STAT5B: variants seen among roughly 807,000 people sequenced by gnomAD.
STAT5B encodes the protein signal transducer and activator of transcription 5B, also known as transcription factor STAT5B.
A neutral mutation model predicts 107.8 loss-of-function variants in STAT5B; 21 were observed. The ratio of observed to expected loss-of-function variants is 0.19; its 90% CI spans 0.14 to 0.28. The LOEUF is 0.28. STAT5B is among the 10% of genes least tolerant of loss of function. The pLI is 1.00. For synonymous variants in STAT5B, 325 were observed against 401.7 expected (o/e 0.81, Z 2.28); for missense variants, 565 against 1,008.2 (o/e 0.56, Z 5.95).
intron 5 of STAT5B, among the ~76,000 whole-genome samples, chr17:42,221,971 G>GGT (rs1208430068): frequency 1.9e-4 from 27 of 144,078 alleles, no homozygotes; most frequent in Admixed American, 1.9e-3. Flanking sequence ...TGCTATGTGT[G>GGT]GTGTGTGTGT....
At chr17:42,234,948 A>T (rs2080345680) in intron 1 of STAT5B, 1 of 152,238 alleles carries the variant, frequency 6.6e-6, no homozygotes, top group Non-Finnish European at 1.5e-5. Flanking sequence ...GAAGAGAAGA[A>T]TCTAGGTGTT....
intron 8 of STAT5B, 45 bp from the exon 9 acceptor site, chr17:42,218,375 G>A (rs1223998830): frequency 8.8e-6 from 14 of 1,599,194 alleles, no homozygotes; most frequent in Non-Finnish European, 1.2e-5. Context: ...GGCTGGTGCA[G>A]GGGAAAGGGC....
chr17:42,286,846 T>C, the STAT5B span, among the ~76,000 whole-genome samples: 1 of 152,188 alleles, frequency 6.6e-6, no homozygotes, highest in African/African-American at 2.4e-5. Flanking sequence ...TGCATGACGG[T>C]GGCAAAGTCA....
intron 2 of STAT5B, among the ~76,000 whole-genome samples, chr17:42,230,408 G>A (rs115536813): frequency 1.3e-5 from 2 of 152,272 alleles, no homozygotes; most frequent in African/African-American, 2.4e-5. Context: ...CTGACAGACT[G>A]TAACCAACCA....
intron 5 of STAT5B, 106 bp from the exon 6 acceptor site, chr17:42,219,948 T>C (rs1007981065): frequency 1.8e-5 from 28 of 1,562,146 alleles, no homozygotes; most frequent in Admixed American, 1.5e-4. Context: ...TGGGCTCAGA[T>C]ACTGCATTAA....
At chr17:42,267,487 AAG>A (rs1254746831) in intron 1 of STAT5B, among the ~76,000 whole-genome samples, 1 of 152,218 alleles carries the variant, frequency 6.6e-6, no homozygotes, top group African/African-American at 2.4e-5. Context: ...CTTCACTTTT[AAG>A]AAAAAGTTTT....
At chr17:42,205,189 G>A (rs576497109) in intron 16 of STAT5B, among the ~76,000 whole-genome samples, 3 of 151,730 alleles carry the variant, frequency 2.0e-5, no homozygotes, top group East Asian at 1.9e-4. Context: ...CACCATGCCC[G>A]GCTAATTTTT....
At position 42,218,806 on chromosome 17, in the gene STAT5B, C is replaced by T. The variant is rs2144247982; in HGVS notation, c.906G>A (p.Gln302=). Residue 302 remains glutamine, a synonymous_variant, in exon 8 of 19, where the codon CAG becomes CAA. Transcript: ENST00000293328. ...QIRRAEHLCQ[Q]LPIPGPVEEM... The stretch of plus-strand genomic sequence containing the variant: ...CCTCCACTGGGCCGGGGATGGGCAG[C>T]TGCTGGCAGAGGTGCTCAGCCCTGC... 9 of 1,613,140 alleles carry T rather than the reference C, an allele frequency of 5.6e-6. No homozygotes were observed. The highest frequency in any genetic ancestry group is 6.8e-6 in the Non-Finnish European group (8 of 1,179,616).
intron 1 of STAT5B, among the ~76,000 whole-genome samples, chr17:42,251,539 G>C (rs1034757005): frequency 6.6e-6 from 1 of 152,238 alleles, no homozygotes; most frequent in East Asian, 1.9e-4. Context: ...AAACACCCCA[G>C]TGTGTAAGAC....
At chr17:42,215,295 C>A (rs983212830) in intron 12 of STAT5B, among the ~76,000 whole-genome samples, 10 of 152,086 alleles carry the variant, frequency 6.6e-5, no homozygotes, top group African/African-American at 2.2e-4. Context: ...CTGGAGTGAA[C>A]CTAGGAGTCC....
At chr17:42,280,159 A>C (rs1386270973), upstream of STAT5B, among the ~76,000 whole-genome samples, 1 of 152,108 alleles carries the variant, frequency 6.6e-6, no homozygotes, top group Non-Finnish European at 1.5e-5. Flanking sequence ...CCACAGTCCA[A>C]CCCATCAGGA....
chr17:42,282,106 A>T, the STAT5B span, among the ~76,000 whole-genome samples: 1 of 152,292 alleles, frequency 6.6e-6, no homozygotes, highest in Non-Finnish European at 1.5e-5. Flanking sequence ...TGAACCGTCA[A>T]AGCTCCGGAA....
intron 9 of STAT5B, 186 bp downstream of exon 9, chr17:42,217,965 T>TA (rs1485454568): frequency 2.2e-5 from 23 of 1,029,612 alleles, no homozygotes; most frequent in Non-Finnish European, 3.1e-5. Context: ...CTCGGCCTCT[T>TA]AAAGTGCTTG....
upstream of STAT5B, among the ~76,000 whole-genome samples, chr17:42,279,188 A>C (rs2080784940): frequency 6.6e-6 from 1 of 151,234 alleles, no homozygotes; most frequent in Non-Finnish European, 1.5e-5. Context: ...GTCTCAAAAA[A>C]AGAAAAAAAA....
intron 1 of STAT5B, among the ~76,000 whole-genome samples, chr17:42,244,017 G>A (rs979001658): frequency 5.3e-5 from 8 of 151,324 alleles, no homozygotes; most frequent in Non-Finnish European, 8.8e-5. Flanking sequence ...TCTGCATTAC[G>A]GAAAAATAAG....
At chr17:42,223,355 G>A in intron 5 of STAT5B, 27 bp downstream of exon 5, 1 of 1,613,994 alleles carries the variant, frequency 6.2e-7, no homozygotes, top group Non-Finnish European at 8.5e-7. Context: ...TCCTCAAGTT[G>A]CACAATGTGC....
At chr17:42,213,092 T>C (rs1035950111) in intron 12 of STAT5B, among the ~76,000 whole-genome samples, 1 of 152,200 alleles carries the variant, frequency 6.6e-6, no homozygotes, top group Non-Finnish European at 1.5e-5. Flanking sequence ...CAGACCCCCA[T>C]AGATGGGCAT....
At chr17:42,238,436 G>A (rs1255775095) in intron 1 of STAT5B, among the ~76,000 whole-genome samples, 1 of 141,884 alleles carries the variant, frequency 7.0e-6, no homozygotes, top group Non-Finnish European at 1.5e-5. Context: ...AGAGGCACAA[G>A]CCATTGTGCC....
chr17:42,210,323 A>G (rs2080118040), intron 14 of STAT5B, 22 bp from the exon 15 acceptor site: 1 of 1,614,206 alleles, frequency 6.2e-7, no homozygotes, highest in Non-Finnish European at 8.5e-7. Context: ...AGGACAAAGG[A>G]CAGAAGCAGA....
Sources: gnomAD v4.1 joint callset for allele counts (sites outside exome capture counted in the v4.1 genomes callset) on GRCh38, gnomAD v4.1.1 for gene constraint, MANE v1.5 for transcripts, NCBI Gene and HGNC (gene_info 2026-07-23, HGNC 2026-07-21) for gene names.